Variants in ZNF560 observed in about 807,000 individuals in gnomAD.
ZNF560 encodes the protein zinc finger protein 560.
A neutral mutation model predicts 81.8 loss-of-function variants in ZNF560; 54 were observed. That is an observed-to-expected ratio of 0.66 (90% CI 0.53 to 0.83). ZNF560 has a LOEUF of 0.83. Among genes scored for constraint, ZNF560 ranks in the 40% least tolerant of loss-of-function variants. The pLI is 0.00. For synonymous variants in ZNF560, 321 were observed against 317.9 expected (o/e 1.01, Z -0.10); for missense variants, 940 against 932.4 (o/e 1.01, Z -0.11).
intron 6 of ZNF560, among the ~76,000 whole-genome samples, chr19:9,470,911 T>G (rs186601422): frequency 3.9e-5 from 6 of 152,314 alleles, no homozygotes; most frequent in East Asian, 1.9e-4. Context: ...AATATGCAGT[T>G]GGCACCAGGA....
chr19:9,494,166 G>C (rs1448732542), intron 2 of ZNF560, among the ~76,000 whole-genome samples: 1 of 150,836 alleles, frequency 6.6e-6, no homozygotes, highest in Non-Finnish European at 1.5e-5. Flanking sequence ...AATATGGCCT[G>C]TGATGAGGGG....
At chr19:9,465,601 T>C (rs1353899392), downstream of ZNF560, among the ~76,000 whole-genome samples, 1 of 152,214 alleles carries the variant, frequency 6.6e-6, no homozygotes, top group East Asian at 1.9e-4. Flanking sequence ...ATGAGCACTT[T>C]GACACAGTGC....
chr19:9,465,189 G>T (rs529795026), downstream of ZNF560, among the ~76,000 whole-genome samples: 4 of 146,508 alleles, frequency 2.7e-5, no homozygotes, highest in African/African-American at 1.0e-4. Flanking sequence ...GGAGTGCAGT[G>T]GCATGATCTT....
downstream of ZNF560, among the ~76,000 whole-genome samples, chr19:9,465,101 G>A (rs1295006364): frequency 1.3e-5 from 2 of 148,688 alleles, no homozygotes; most frequent in Non-Finnish European, 3.0e-5. Context: ...TCCATTCCAA[G>A]AACCCAAGGA....
the ZNF560 span, among the ~76,000 whole-genome samples, chr19:9,447,750 A>G: frequency 1.3e-5 from 2 of 152,190 alleles, no homozygotes; most frequent in Non-Finnish European, 1.5e-5. Context: ...CTGGCATTCC[A>G]GGGAGAGAAA....
intron 2 of ZNF560, among the ~76,000 whole-genome samples, chr19:9,480,586 A>C (rs1208121490): frequency 6.6e-6 from 1 of 152,138 alleles, no homozygotes; most frequent in African/African-American, 2.4e-5. Flanking sequence ...ACAAAAGATA[A>C]AGGAAACTAA....
At chr19:9,499,281 C>G (rs1238159358), upstream of ZNF560, among the ~76,000 whole-genome samples, 2 of 152,040 alleles carry the variant, frequency 1.3e-5, no homozygotes, top group Non-Finnish European at 2.9e-5. Context: ...CTCAAGCCAT[C>G]CTTCCACCTC....
chr19:9,498,575 T>C lies in ZNF560; in HGVS notation c.-182A>G, dbSNP rs886875281. 6.6e-6 allele frequency: 1 copy of C among 152,240 alleles called. No homozygotes were observed. Among genetic ancestry groups the C allele is most frequent in the Non-Finnish European group, 1.5e-5 (1 of 68,082 alleles). The allele number at this position is 152,240 out of a possible 1,614,324, so 9.4% of individuals were successfully genotyped here. On this transcript the variant is annotated 5_prime_UTR_variant, in exon 1 of 10. Coordinates refer to ENST00000301480, the MANE Select transcript of ZNF560 (RefSeq NM_152476.3). The stretch of plus-strand genomic sequence containing the variant: ...CGACCAGACAACACAAAGGAAAAAG[T>C]GGCTCTGAGGAAACAGGCGCCAGCG...
chr19:9,505,847 A>G, the ZNF560 span, among the ~76,000 whole-genome samples: 1 of 152,090 alleles, frequency 6.6e-6, no homozygotes, highest in African/African-American at 2.4e-5. Flanking sequence ...TATTTTTAGT[A>G]GAGACAGGGT....
At chr19:9,456,720 T>G in the ZNF560 span, among the ~76,000 whole-genome samples, 12 of 152,222 alleles carry the variant, frequency 7.9e-5, no homozygotes, top group Non-Finnish European at 1.6e-4. Context: ...GTAGTTATAC[T>G]TTGCATTGTA....
chr19:9,491,303 G>A (rs1309350351), intron 2 of ZNF560, among the ~76,000 whole-genome samples: 1 of 151,830 alleles, frequency 6.6e-6, no homozygotes, highest in African/African-American at 2.4e-5. Flanking sequence ...ATCTTTTTTG[G>A]TATAGATGGG....
At chr19:9,496,609 G>A (rs1466980879) in intron 2 of ZNF560, among the ~76,000 whole-genome samples, 4 of 149,360 alleles carry the variant, frequency 2.7e-5, no homozygotes. Flanking sequence ...GGGGTGGGGG[G>A]GACAGGGAGG....
At chr19:9,463,927 C>A (rs1358513048), downstream of ZNF560, among the ~76,000 whole-genome samples, 1 of 152,208 alleles carries the variant, frequency 6.6e-6, no homozygotes, top group African/African-American at 2.4e-5. Context: ...AAGTGATCCG[C>A]CTGACTTGGC....
intron 5 of ZNF560, among the ~76,000 whole-genome samples, chr19:9,471,893 A>G (rs148122902): frequency 0.018 from 2,807 of 152,274 alleles, 82 homozygotes; most frequent in African/African-American, 0.064. Flanking sequence ...GGCGGATCAC[A>G]AGGTTAGGAG....
intron 9 of ZNF560, among the ~76,000 whole-genome samples, chr19:9,468,725 CTTTT>C (rs3068756): frequency 3.3e-5 from 4 of 123,036 alleles, no homozygotes; most frequent in Non-Finnish European, 1.7e-5. Context: ...CTGCTGATTT[CTTTT>C]TTTTTTTTTT....
At chr19:9,454,875 G>T in the ZNF560 span, among the ~76,000 whole-genome samples, 2 of 152,124 alleles carry the variant, frequency 1.3e-5, no homozygotes, top group Non-Finnish European at 2.9e-5. Context: ...TAATGTTGCA[G>T]AAGAGATAAA....
At chr19:9,448,810 A>C in the ZNF560 span, among the ~76,000 whole-genome samples, 1 of 152,162 alleles carries the variant, frequency 6.6e-6, no homozygotes, top group South Asian at 2.1e-4. Context: ...CACATATGAG[A>C]CACCCATGGA....
the ZNF560 span, among the ~76,000 whole-genome samples, chr19:9,458,345 A>ATC: frequency 6.6e-6 from 1 of 152,230 alleles, no homozygotes; most frequent in African/African-American, 2.4e-5. Context: ...GGTACTGAGA[A>ATC]TGTCTTCGCA....
chr19:9,476,463 T>C (rs1183424591), intron 2 of ZNF560, among the ~76,000 whole-genome samples: 1 of 152,060 alleles, frequency 6.6e-6, no homozygotes, highest in Admixed American at 6.5e-5. Flanking sequence ...TGGCTAACTT[T>C]TGTATTTTTA....
Sources: allele counts gnomAD v4.1 joint callset (sites outside exome capture counted in the v4.1 genomes callset), GRCh38; gene constraint gnomAD v4.1.1; transcripts MANE v1.5; gene names NCBI Gene and HGNC (gene_info 2026-07-23, HGNC 2026-07-21).